The following SCYL3 variants were observed in gnomAD, a reference collection of about 807,000 sequenced individuals.
The protein encoded by SCYL3 is SCY1 like pseudokinase 3.
SCYL3 carries 35 observed loss-of-function variants against 73.8 expected under a neutral mutation model. The ratio of observed to expected loss-of-function variants is 0.47; its 90% confidence interval spans 0.36 to 0.63. SCYL3 has a LOEUF of 0.63. Among genes scored for constraint, SCYL3 ranks in the 20% least tolerant of loss-of-function variants. The pLI is 0.00. For missense variants in SCYL3, 712 were observed against 798.9 expected (o/e 0.89, Z 1.31); for synonymous variants, 277 against 295.2 (o/e 0.94, Z 0.63).
chr1:169,864,104 T>A (rs1420858260), intron 9 of SCYL3, among the ~76,000 whole-genome samples: 1 of 152,212 alleles, frequency 6.6e-6, no homozygotes, highest in Non-Finnish European at 1.5e-5. Context: ...ATGCCTTACC[T>A]TAAAACTTCA....
intron 3 of SCYL3, among the ~76,000 whole-genome samples, chr1:169,878,026 A>G (rs1010338949): frequency 6.6e-6 from 1 of 152,246 alleles, no homozygotes; most frequent in Admixed American, 6.5e-5. Context: ...AATACCATTA[A>G]GAAAACAGTA....
At chr1:169,863,990 C>T (rs889613005) in intron 9 of SCYL3, among the ~76,000 whole-genome samples, 1 of 151,082 alleles carries the variant, frequency 6.6e-6, no homozygotes, top group Non-Finnish European at 1.5e-5. Flanking sequence ...AAAATGATCT[C>T]AGTGCTTTTC....
At position 169,858,223 on chromosome 1, in the gene SCYL3, A is replaced by G. The variant is rs1659343989; in HGVS notation, c.1312+818T>C. 2.6e-5 allele frequency among the ~76,000 whole-genome samples: 4 copies of G among 152,342 alleles called. No individual in the cohort carries two copies. In the South Asian group the frequency reaches 8.3e-4, roughly 32 times the overall value. ...TACAACTGTACCAAAATATTTTCTT[A>G]TATCCTTATTCTGTAAGCTTTTTCT... On this transcript the variant is annotated intron_variant, in intron 11 of 12. Coordinates refer to ENST00000367771, the MANE Select transcript of SCYL3 (RefSeq NM_020423.7).
At chr1:169,878,533 A>G in intron 3 of SCYL3, 101 bp downstream of exon 3, 1 of 1,063,984 alleles carries the variant, frequency 9.4e-7, no homozygotes, top group East Asian at 2.6e-5. Flanking sequence ...CTTAACTTAC[A>G]ATTTCTATGA....
At chr1:169,869,741 G>A (rs1469105746) in intron 6 of SCYL3, among the ~76,000 whole-genome samples, 4 of 152,150 alleles carry the variant, frequency 2.6e-5, no homozygotes, top group Non-Finnish European at 4.4e-5. Context: ...ACAGAAGAGA[G>A]GAGAAAACAA....
intron 11 of SCYL3, among the ~76,000 whole-genome samples, chr1:169,857,381 C>G (rs1659264656): frequency 6.6e-6 from 1 of 152,152 alleles, no homozygotes; most frequent in African/African-American, 2.4e-5. Context: ...TACTTTAAGT[C>G]ATTTCTTGGT....
chr1:169,851,004 TTTATTTGG>T lies in SCYL3; in HGVS notation c.*2701_*2708del, dbSNP rs1658153021. The stretch of plus-strand genomic sequence containing the variant: ...GCTTTTTTTTTTTTTTTTTTTTTTT[TTTATTTGG>T]GCAGCCTCCCAAGCCAGGGTAAGCT... On this transcript the variant is annotated 3_prime_UTR_variant, in exon 13 of 13. Coordinates refer to ENST00000367771, the MANE Select transcript of SCYL3 (RefSeq NM_020423.7). 1 of 47,784 alleles carries T rather than the reference TTTATTTGG, an allele frequency of 2.1e-5. No homozygotes were observed. The highest frequency in any genetic ancestry group is 3.9e-5 in the Non-Finnish European group (1 of 25,484). The allele number at this position is 47,784 out of a possible 1,614,324, so 3.0% of individuals were successfully genotyped here.
intron 1 of SCYL3, among the ~76,000 whole-genome samples, chr1:169,893,441 G>A (rs1361691692): frequency 6.6e-6 from 1 of 152,050 alleles, no homozygotes; most frequent in Non-Finnish European, 1.5e-5. Context: ...TCACTGAAGG[G>A]CCGAGGCGCC....
In SCYL3 at chr1:169,852,002, C is replaced by T. The variant is rs560942004; in HGVS notation, c.*1711G>A. On this transcript the variant is annotated 3_prime_UTR_variant, in exon 13 of 13. Coordinates refer to ENST00000367771, the MANE Select transcript of SCYL3 (RefSeq NM_020423.7). ...AAATTCTGCCCTTTTTACTTACTGA[C>T]GAAACAAACCAGTGTGGTTTCCAGC... 4.4e-6 allele frequency: 7 copies of T among 1,606,510 alleles called. No individual in the cohort carries two copies. Among genetic ancestry groups the T allele is most frequent in the East Asian group, 4.5e-5 (2 of 44,752 alleles).
intron 5 of SCYL3, among the ~76,000 whole-genome samples, chr1:169,872,744 C>G (rs114580850): frequency 2.0e-5 from 3 of 152,200 alleles, no homozygotes; most frequent in Non-Finnish European, 4.4e-5. Flanking sequence ...ATGCGAGACA[C>G]GGAATCAAAG....
At chr1:169,873,070 G>A (rs1452095870) in intron 5 of SCYL3, among the ~76,000 whole-genome samples, 1 of 152,158 alleles carries the variant, frequency 6.6e-6, no homozygotes, top group East Asian at 1.9e-4. Context: ...GAGGGGCCAG[G>A]GGAGGAATGA....
At position 169,854,927 on chromosome 1, in the gene SCYL3, A is replaced by G. The variant is rs12132384; in HGVS notation, c.1350T>C (p.Asn450=). 0.085 allele frequency: 136,762 copies of G among 1,608,742 alleles called. 6,374 individuals carry two copies. Among genetic ancestry groups the G allele is most frequent in the Middle Eastern group, 0.098 (592 of 6,020 alleles). ...AAGTATTTTTTACATCTGAGAGTCC[A>G]TTTATGGGAAATTTAATAGGCTGAG... is the stretch of plus-strand genomic sequence containing the variant. ...PFSQPIKFPI[N]GLSDVKNTSE... is the part of the protein sequence containing the mutation. Residue 450 remains asparagine (N), a synonymous_variant, in exon 12 of 13, where the codon AAT becomes AAC. Transcript: ENST00000367771.
At chr1:169,876,228 C>A in intron 3 of SCYL3, 137 bp from the exon 4 acceptor site, 1 of 474,862 alleles carries the variant, frequency 2.1e-6, no homozygotes, top group Admixed American at 4.2e-5. Flanking sequence ...AAAATTATGA[C>A]AAGCCTTCCC....
chr1:169,869,118 CAAAA>C, intron 6 of SCYL3, 79 bp from the exon 7 acceptor site: 1 of 1,101,274 alleles, frequency 9.1e-7, no homozygotes, highest in East Asian at 2.5e-5. Context: ...CTGCCGAGAG[CAAAA>C]ACCAACCTGT....
At position 169,854,455 on chromosome 1, in the gene SCYL3, G is replaced by A; in HGVS notation, c.1822C>T (p.Gln608Ter). The A allele has an allele frequency of 6.2e-7, 1 of 1,614,016 alleles. No homozygotes were observed. The highest frequency in any genetic ancestry group is 8.5e-7 in the Non-Finnish European group (1 of 1,179,968). The change falls in exon 12 of 13, where the codon CAA becomes TAA. Residue 608 changes from glutamine (Q) to a stop codon, truncating the protein, a stop_gained. Coordinates refer to ENST00000367771, the MANE Select transcript of SCYL3 (RefSeq NM_020423.7). LOFTEE classifies it high-confidence loss of function. ...TCTTTTACTGGCTTCTTTTTTACTTGAATGGTGAATTCCTCTCCTAAACCA... is the reference window on the plus strand; with the variant it reads ...TCTTTTACTGGCTTCTTTTTTACTTAAATGGTGAATTCCTCTCCTAAACCA... The part of the protein sequence containing the change: ...ELGLGEEFTI[Q>*]VKKKPVKDPE...
Position 169,853,458 on chromosome 1 carries a change from T to C in SCYL3, c.*255A>G, listed in dbSNP as rs1051594271. 6.5e-5 allele frequency: 30 copies of C among 459,104 alleles called. No individual in the cohort carries two copies. The highest frequency in any genetic ancestry group is 1.9e-5 in the Non-Finnish European group (5 of 261,160). 28.4% of individuals were successfully genotyped at this position (459,104 alleles called of 1,614,324 possible). On this transcript the variant is annotated 3_prime_UTR_variant, in exon 13 of 13. Coordinates refer to ENST00000367771, the MANE Select transcript of SCYL3 (RefSeq NM_020423.7). ...CCTCTCCTCAGCTACTTGCTCTTCA[T>C]AGAAACTGGCCTCAGTCAAATGCAC... is the stretch of plus-strand genomic sequence containing the variant.
In SCYL3 at chr1:169,850,398, C is replaced by T. The variant is rs79919297; in HGVS notation, c.*3315G>A. ...ATTCTTTGTCCTATTTTTTTTTTTC[C>T]GAAATTATGTAACTGTAACCAACCT... On this transcript the variant is annotated 3_prime_UTR_variant, in exon 13 of 13. Coordinates refer to ENST00000367771, the MANE Select transcript of SCYL3 (RefSeq NM_020423.7). 56 of 1,294,484 alleles carry T rather than the reference C, an allele frequency of 4.3e-5. No individual in the cohort carries two copies. The highest frequency in any genetic ancestry group is 1.9e-4 in the Middle Eastern group (1 of 5,332). The allele number at this position is 1,294,484 out of a possible 1,614,324, so 80.2% of individuals were successfully genotyped here. A position where few individuals can be genotyped will look rare whatever the true frequency, so the allele number is the denominator to read the frequency against.
chr1:169,891,058 C>T (rs16862745), intron 1 of SCYL3, among the ~76,000 whole-genome samples: 35,603 of 152,136 alleles, frequency 0.23, 4,539 homozygotes, highest in Middle Eastern at 0.31. Context: ...ACAAATTAGC[C>T]ATCAATTTCA....
chr1:169,893,823 TTG>T lies in SCYL3; in HGVS notation c.-88_-87del, dbSNP rs933327646. ...GCGGCGGGGGAGGAGGCCGAGGGTC[TTG>T]GCTCTGGTACCCTGTTGGCCCCCCT... On this transcript the variant is annotated 5_prime_UTR_variant, in exon 1 of 13. Coordinates refer to ENST00000367771, the MANE Select transcript of SCYL3 (RefSeq NM_020423.7). 3 of 153,430 alleles carry T rather than the reference TTG, an allele frequency of 2.0e-5. No homozygotes were observed. The highest frequency in any genetic ancestry group is 6.5e-5 in the Admixed American group (1 of 15,302). The allele number at this position is 153,430 out of a possible 1,614,324, so 9.5% of individuals were successfully genotyped here. A position where few individuals can be genotyped will look rare whatever the true frequency, so the allele number is the denominator to read the frequency against.
Sources: gnomAD v4.1 joint callset for allele counts (sites outside exome capture counted in the v4.1 genomes callset) on GRCh38, gnomAD v4.1.1 for gene constraint, MANE v1.5 for transcripts, NCBI Gene and HGNC (gene_info 2026-07-23, HGNC 2026-07-21) for gene names.